FBXO17: variants seen among roughly 807,000 people sequenced by gnomAD.
The protein encoded by FBXO17 is F-box protein 17, also known as F-box only protein 17.
FBXO17 carries 43 observed loss-of-function variants against 34.1 expected under a neutral mutation model. That is an observed-to-expected ratio of 1.26 (90% CI 0.99 to 1.62). The LOEUF is 1.62. Ranked by LOEUF, FBXO17 falls within the 40% of genes most tolerant of loss-of-function variation. The pLI is 0.00. For synonymous variants in FBXO17, 169 were observed against 166.0 expected (o/e 1.02, Z -0.14); for missense variants, 424 against 386.7 (o/e 1.10, Z -0.81).
At chr19:38,956,281 AG>A (rs1975166886) in intron 1 of FBXO17, among the ~76,000 whole-genome samples, 1 of 151,788 alleles carries the variant, frequency 6.6e-6, no homozygotes, top group Non-Finnish European at 1.5e-5. Flanking sequence ...AAAAAAAAAA[AG>A]ATGATGTCAG....
At position 38,950,270 on chromosome 19, in the gene FBXO17, G is replaced by A; in HGVS notation, c.50C>T (p.Ala17Val). The part of the protein sequence containing the change: ...RRRLPADPSL[A>V]LDALPPELLV... ...CAGCTCCGGGGGCAGCGCGTCCAGG[G>A]CCAGGGATGGGTCCGCCGGCAGCCG... Residue 17 changes from alanine to valine, a missense_variant, in exon 2 of 6, where the codon GCC (alanine) becomes GTC (valine). By Grantham distance (64) the Ala-to-Val change is moderately conservative. Transcript: ENST00000292852. 7 of 1,483,458 alleles carry A rather than the reference G, an allele frequency of 4.7e-6. No individual in the cohort carries two copies. Among genetic ancestry groups the A allele is most frequent in the Non-Finnish European group, 6.2e-6 (7 of 1,126,214 alleles). 91.9% of individuals were successfully genotyped at this position (1,483,458 alleles called of 1,614,324 possible).
At chr19:38,944,709 A>G in intron 5 of FBXO17, 2 of 489,410 alleles carry the variant, frequency 4.1e-6, no homozygotes, top group Non-Finnish European at 7.2e-6. Flanking sequence ...TCACTGCTGC[A>G]TTTCCAGCAC....
intron 1 of FBXO17, among the ~76,000 whole-genome samples, chr19:38,957,493 C>G (rs1975183181): frequency 6.6e-6 from 1 of 152,158 alleles, no homozygotes; most frequent in Admixed American, 6.5e-5. Flanking sequence ...TTACAGGCAC[C>G]TGCCACCACG....
chr19:38,943,892 A>C (rs959980469), intron 5 of FBXO17, among the ~76,000 whole-genome samples: 9 of 152,222 alleles, frequency 5.9e-5, no homozygotes, highest in African/African-American at 2.2e-4. Context: ...ACCCGGCCCA[A>C]AATTCATTTT....
intron 3 of FBXO17, among the ~76,000 whole-genome samples, chr19:38,947,930 T>C (rs1975010116): frequency 1.3e-5 from 2 of 151,504 alleles, no homozygotes; most frequent in Admixed American, 1.3e-4. Flanking sequence ...GCCAGAATTA[T>C]ATGTAAAGTG....
chr19:38,954,925 A>G (rs1234133142), intron 1 of FBXO17, among the ~76,000 whole-genome samples: 2,031 of 132,258 alleles, frequency 0.015, 81 homozygotes, highest in African/African-American at 0.058. Context: ...TATTATTATT[A>G]TTATTATTAT....
intron 1 of FBXO17, among the ~76,000 whole-genome samples, chr19:38,969,428 A>G (rs945962713): frequency 1.4e-5 from 2 of 146,090 alleles, no homozygotes; most frequent in African/African-American, 2.5e-5. Context: ...GGTGACAGAG[A>G]CTCCATCTCC....
At chr19:38,967,598 T>C (rs1285933864) in intron 1 of FBXO17, among the ~76,000 whole-genome samples, 1 of 151,890 alleles carries the variant, frequency 6.6e-6, no homozygotes, top group African/African-American at 2.4e-5. Context: ...TATGGTCTTC[T>C]CTGTTGCTCA....
At chr19:38,948,448 G>A (rs1261973680) in intron 3 of FBXO17, 119 bp downstream of exon 3, 1 of 702,938 alleles carries the variant, frequency 1.4e-6, no homozygotes, top group Non-Finnish European at 2.4e-6. Context: ...ATGAATCAAT[G>A]AATAAATAAA....
Position 38,942,721 on chromosome 19 carries a change from C to T in FBXO17, c.724G>A (p.Gly242Ser), listed in dbSNP as rs1974910150. The stretch of plus-strand genomic sequence containing the variant: ...TGCTCAAAAGATACGTAGCGGATGC[C>T]CTTGCCAAAGTTGGTGAAGACGTGG... ...VSHVFTNFGK[G>S]IRYVSFEQYG... is the part of the protein sequence containing the mutation. Residue 242 changes from glycine (G) to serine (S), a missense_variant, in exon 6 of 6, where the codon GGC (glycine) becomes AGC (serine). Gly to Ser is a moderately conservative substitution (Grantham distance 56). Transcript: ENST00000292852. 2.5e-6 allele frequency: 4 copies of T among 1,606,246 alleles called. No homozygotes were observed. The highest frequency in any genetic ancestry group is 1.3e-5 in the African/African-American group (1 of 74,228).
chr19:38,948,958 C>T (rs1975029537), intron 2 of FBXO17, among the ~76,000 whole-genome samples: 1 of 152,330 alleles, frequency 6.6e-6, no homozygotes, highest in South Asian at 2.1e-4. Context: ...GAGACAGGGT[C>T]TCACTCTGTC....
In FBXO17 at chr19:38,975,396, TG is replaced by T. The variant is rs1173261229; in HGVS notation, c.-18+189del. Among the ~76,000 whole-genome samples, 20 of 152,264 alleles carry T rather than the reference TG, an allele frequency of 1.3e-4. No individual in the cohort carries two copies. Among genetic ancestry groups the T allele is most frequent in the Non-Finnish European group, 2.1e-4 (14 of 68,008 alleles). On this transcript the variant is annotated intron_variant, in intron 1 of 5. Coordinates refer to ENST00000292852, the MANE Select transcript of FBXO17 (RefSeq NM_024907.7). This position sits in a 1 kb window ranked among gnomAD's most constrained non-coding sequence, Gnocchi z 4.9. ...TTTCTAACGTGCATTTGTATAACTTTGGGTTTAAAGGAGCCTCAGGCCGAGG... is the reference window on the plus strand; with the variant it reads ...TTTCTAACGTGCATTTGTATAACTTTGGTTTAAAGGAGCCTCAGGCCGAGG...
chr19:38,944,624 GCAC>G, intron 5 of FBXO17: 1 of 255,996 alleles, frequency 3.9e-6, no homozygotes, highest in South Asian at 4.2e-5. Flanking sequence ...GTCCAGCTCT[GCAC>G]TGGACCAGTC....
rs1050520047 is a variant in FBXO17 at position 38,975,294 on chromosome 19, G to A, written c.-18+292C>T. On this transcript the variant is annotated intron_variant, in intron 1 of 5. Coordinates refer to ENST00000292852, the MANE Select transcript of FBXO17 (RefSeq NM_024907.7). The surrounding 1 kb of genome is among the most constrained non-coding windows in gnomAD (Gnocchi z 4.9). ...GCAGGGGTTTTGGATGGTGGCCTCC[G>A]CGGACGAGCGCAGGGATGGAGAGGC... 1.3e-5 allele frequency among the ~76,000 whole-genome samples: 2 copies of A among 152,230 alleles called. No individual in the cohort carries two copies. The highest frequency in any genetic ancestry group is 2.4e-5 in the African/African-American group (1 of 41,462).
At chr19:38,949,691 T>C (rs2144815593) in intron 2 of FBXO17, 3 of 554,058 alleles carry the variant, frequency 5.4e-6, no homozygotes, top group East Asian at 6.4e-5. Flanking sequence ...GCCCCTGTCC[T>C]GTTCTGCATC....
rs138300854 is a variant in FBXO17 at position 38,941,505 on chromosome 19, T to C, written c.*1103A>G. Reference sequence around the variant, plus strand: ...TTGACAGCAAGCCAGTGATAAGCATTATTTCTATAGATTATAGATTAACTA... The same window carrying C: ...TTGACAGCAAGCCAGTGATAAGCATCATTTCTATAGATTATAGATTAACTA... On this transcript the variant is annotated 3_prime_UTR_variant, in exon 6 of 6. Coordinates refer to ENST00000292852, the MANE Select transcript of FBXO17 (RefSeq NM_024907.7). The C allele has an allele frequency of 2.6e-3, 393 of 152,344 alleles. 5 individuals carry two copies. Among genetic ancestry groups the C allele is most frequent in the African/African-American group, 9.0e-3 (376 of 41,560 alleles). The allele number at this position is 152,344 out of a possible 1,614,324, so 9.4% of individuals were successfully genotyped here. A position where few individuals can be genotyped will look rare whatever the true frequency, so the allele number is the denominator to read the frequency against.
chr19:38,944,353 C>T (rs1369081007), intron 5 of FBXO17, among the ~76,000 whole-genome samples: 3 of 151,958 alleles, frequency 2.0e-5, no homozygotes, highest in African/African-American at 4.8e-5. Context: ...AACCATCCTC[C>T]CACCTCAGCC....
chr19:38,968,581 T>G (rs1975350655), intron 1 of FBXO17, among the ~76,000 whole-genome samples: 1 of 151,630 alleles, frequency 6.6e-6, no homozygotes. Flanking sequence ...GAAATGAAAA[T>G]ACACCTTCTA....
intron 1 of FBXO17, among the ~76,000 whole-genome samples, chr19:38,962,278 T>A (rs1975262956): frequency 6.6e-6 from 1 of 152,142 alleles, no homozygotes; most frequent in African/African-American, 2.4e-5. Context: ...ATGCTAAGTT[T>A]TTTTCAGTAG....
Sources: allele counts gnomAD v4.1 joint callset (sites outside exome capture counted in the v4.1 genomes callset), GRCh38; gene constraint gnomAD v4.1.1; non-coding constraint Gnocchi (gnomAD v3.1); transcripts MANE v1.5; gene names NCBI Gene and HGNC (gene_info 2026-07-23, HGNC 2026-07-21).